The following WIPF1 variants were observed in gnomAD, a reference collection of about 807,000 sequenced individuals.
WIPF1 encodes WAS/WASL-interacting protein family member 1.
WIPF1 carries 13 observed loss-of-function variants against 35.4 expected under a neutral mutation model. The observed-to-expected ratio is 0.37, with a 90% CI of 0.24 to 0.58. The LOEUF (loss-of-function observed/expected upper bound fraction) is 0.58. Among genes scored for constraint, WIPF1 ranks in the 20% least tolerant of loss-of-function variants. The pLI, the probability that WIPF1 is intolerant of heterozygous loss-of-function variation, is 0.74. For missense variants in WIPF1, 591 were observed against 667.0 expected (o/e 0.89, Z 1.25); for synonymous variants, 267 against 266.3 (o/e 1.00, Z -0.02).
rs962544526 is a variant in WIPF1 at position 174,659,782 on chromosome 2, T to C, written c.-39+22992A>G. On this transcript the variant is annotated intron_variant, in intron 1 of 8. Transcript: ENST00000272746. ...GACAGACTTCTAAAACCTAACGATT[T>C]CCCATCCATAATTTATCTGCGTATA... Among the ~76,000 whole-genome samples, 87 of 152,186 alleles carry C rather than the reference T, an allele frequency of 5.7e-4. 1 individual carries two copies. The highest frequency in any genetic ancestry group is 5.4e-3 in the Admixed American group (82 of 15,282).
intron 1 of WIPF1, among the ~76,000 whole-genome samples, chr2:174,626,414 T>C (rs1476847175): frequency 6.6e-6 from 1 of 152,160 alleles, no homozygotes; most frequent in Non-Finnish European, 1.5e-5. Flanking sequence ...CCAAGACCAT[T>C]AAGAAAGATG....
In WIPF1 at chr2:174,595,983, G is replaced by C. The variant is rs146826656; in HGVS notation, c.-39+1618C>G. 4.9e-4 allele frequency among the ~76,000 whole-genome samples: 74 copies of C among 152,280 alleles called. 2 individuals carry two copies. In the East Asian group the frequency reaches 0.014, roughly 29 times the overall value. On this transcript the variant is annotated intron_variant, in intron 1 of 7. Coordinates refer to ENST00000679041, the MANE Select transcript of WIPF1 (RefSeq NM_001375834.1). ...ATAAAATGTTAAGAAGGCTTCAAAA[G>C]GTCATAACACTTAAAGGGTCCAGGA...
At chr2:174,616,070 G>A (rs1018829964) in intron 1 of WIPF1, among the ~76,000 whole-genome samples, 3 of 152,186 alleles carry the variant, frequency 2.0e-5, no homozygotes, top group Admixed American at 6.6e-5. Context: ...CTTGGAGGAA[G>A]TGGTGTGCTG....
intron 5 of WIPF1, among the ~76,000 whole-genome samples, chr2:174,569,971 A>T (rs1426650825): frequency 6.6e-6 from 1 of 152,242 alleles, no homozygotes; most frequent in Non-Finnish European, 1.5e-5. Context: ...GGCAGTACCT[A>T]TTGAAATCCA....
At chr2:174,632,191 G>T (rs1443775699) in intron 1 of WIPF1, among the ~76,000 whole-genome samples, 1 of 152,106 alleles carries the variant, frequency 6.6e-6, no homozygotes, top group Non-Finnish European at 1.5e-5. Context: ...CCACCCAACA[G>T]GATCTGTTAC....
chr2:174,650,497 C>T (rs895803048), intron 1 of WIPF1, among the ~76,000 whole-genome samples: 24 of 152,170 alleles, frequency 1.6e-4, no homozygotes, highest in Admixed American at 8.5e-4. Flanking sequence ...ACGAAACCAC[C>T]TTTGTTACTC....
At position 174,576,683 on chromosome 2, in the gene WIPF1, C is replaced by T. The variant is rs189302633; in HGVS notation, c.182-1303G>A. ...AAGATTACTGAGTATTCTGTCTAGT[C>T]TTCTGGGTTACTTTCCATTGTCTTT... is the stretch of plus-strand genomic sequence containing the variant. On this transcript the variant is annotated intron_variant, in intron 3 of 7. Transcript: ENST00000679041. 2.0e-3 allele frequency among the ~76,000 whole-genome samples: 312 copies of T among 152,270 alleles called. 3 individuals carry two copies. Among genetic ancestry groups the T allele is most frequent in the Non-Finnish European group, 3.8e-3 (261 of 68,020 alleles).
At chr2:174,639,240 T>A (rs903285837) in intron 1 of WIPF1, among the ~76,000 whole-genome samples, 1 of 152,178 alleles carries the variant, frequency 6.6e-6, no homozygotes, top group Non-Finnish European at 1.5e-5. Context: ...TTTTGAGAAA[T>A]GTCTACTAAG....
chr2:174,567,505 T>C (rs1297693488), intron 6 of WIPF1, among the ~76,000 whole-genome samples: 1 of 152,270 alleles, frequency 6.6e-6, no homozygotes, highest in Admixed American at 6.5e-5. Context: ...ACTTAGTATC[T>C]GCAGGCCGTC....
At chr2:174,618,949 T>TAC (rs371905370) in intron 1 of WIPF1, among the ~76,000 whole-genome samples, 12 of 151,132 alleles carry the variant, frequency 7.9e-5, no homozygotes, top group South Asian at 2.1e-4. Flanking sequence ...AACTGACACA[T>TAC]ACACACACAC....
intron 1 of WIPF1, among the ~76,000 whole-genome samples, chr2:174,675,002 G>A (rs1019991232): frequency 6.6e-6 from 1 of 151,730 alleles, no homozygotes; most frequent in African/African-American, 2.4e-5. Context: ...AATATGAACA[G>A]TTAAATTGTG....
At chr2:174,617,459 G>A (rs980492295) in intron 1 of WIPF1, among the ~76,000 whole-genome samples, 6 of 152,180 alleles carry the variant, frequency 3.9e-5, no homozygotes, top group African/African-American at 1.2e-4. Flanking sequence ...CAGACCCCTC[G>A]TACATGTTCA....
intron 1 of WIPF1, among the ~76,000 whole-genome samples, chr2:174,614,511 A>AG (rs1686449842): frequency 6.6e-6 from 1 of 152,164 alleles, no homozygotes; most frequent in Non-Finnish European, 1.5e-5. Context: ...TACGTAAGTG[A>AG]GAAAAAAAAA....
At position 174,571,518 on chromosome 2, in the gene WIPF1, A is replaced by T; in HGVS notation, c.1129+158T>A. 1 of 987,088 alleles carries T rather than the reference A, an allele frequency of 1.0e-6. No individual in the cohort carries two copies. The highest frequency in any genetic ancestry group is 1.6e-6 in the Non-Finnish European group (1 of 619,438). The allele number at this position is 987,088 out of a possible 1,614,324, so 61.1% of individuals were successfully genotyped here. On this transcript the variant is annotated intron_variant, in intron 5 of 7. Transcript: ENST00000679041. This position sits in a 1 kb window ranked among gnomAD's most constrained non-coding sequence, Gnocchi z 4.6. The stretch of plus-strand genomic sequence containing the variant: ...GGTCCCACTTTCCCCCGGGGTTTAC[A>T]CGAGGTCACGATCACACGTGTCGTG...
chr2:174,613,076 C>T (rs1686401700), intron 1 of WIPF1, among the ~76,000 whole-genome samples: 1 of 152,234 alleles, frequency 6.6e-6, no homozygotes, highest in Non-Finnish European at 1.5e-5. Context: ...CTAGGCACAT[C>T]TTACCATAGC....
Position 174,627,438 on chromosome 2 carries a change from CTCTT to C in WIPF1, c.-38-41831_-38-41828del, listed in dbSNP as rs763895759. On this transcript the variant is annotated intron_variant, in intron 1 of 8. Transcript: ENST00000272746. ...TCTTCTTTCCTTCTTTCTTTCCTTT[CTCTT>C]TCTTTCCTTTCTTTCTTCCTTTCTC... Among the ~76,000 whole-genome samples the C allele has an allele frequency of 1.1e-3, 166 of 144,768 alleles. 3 individuals carry two copies. The highest frequency in any genetic ancestry group is 8.0e-3 in the Admixed American group (118 of 14,824). The allele number at this position is 144,768 out of a possible 152,430, so 95.0% of individuals were successfully genotyped here.
chr2:174,612,356 A>G (rs1028647500), intron 1 of WIPF1, among the ~76,000 whole-genome samples: 9 of 152,032 alleles, frequency 5.9e-5, no homozygotes, highest in Non-Finnish European at 1.2e-4. Context: ...ACATTTCCCC[A>G]TATTATTCTC....
Position 174,562,561 on chromosome 2 carries a change from G to A in WIPF1, c.1498C>T (p.Pro500Ser). 1.2e-6 allele frequency: 2 copies of A among 1,614,210 alleles called. No individual in the cohort carries two copies. Among genetic ancestry groups the A allele is most frequent in the Non-Finnish European group, 1.7e-6 (2 of 1,180,034 alleles). ...GCAGGCAAAGATCACCTCGGGATGG[G>A]AGGGAGTGGTGGAGCACCCCTTTCT... The part of the protein sequence containing the change: ...RRERGAPPLP[P>S]IPR Residue 500 changes from proline (P) to serine (S), a missense_variant, in exon 8 of 8, where the codon CCC becomes TCC. Coordinates refer to ENST00000679041, the MANE Select transcript of WIPF1 (RefSeq NM_001375834.1).
intron 1 of WIPF1, among the ~76,000 whole-genome samples, chr2:174,632,738 A>G (rs942891232): frequency 3.7e-5 from 5 of 134,634 alleles, no homozygotes; most frequent in African/African-American, 1.1e-4. Context: ...AAAAAAAAAG[A>G]CATCAGGCCC....
Sources: gnomAD v4.1 joint callset for allele counts (sites outside exome capture counted in the v4.1 genomes callset) on GRCh38, gnomAD v4.1.1 for gene constraint, Gnocchi (gnomAD v3.1) non-coding constraint, MANE v1.5 for transcripts, NCBI Gene and HGNC (gene_info 2026-07-23, HGNC 2026-07-21) for gene names.